RGMB: variants seen among roughly 807,000 people sequenced by gnomAD.
RGMB encodes repulsive guidance molecule BMP co-receptor b.
A neutral mutation model predicts 26.9 loss-of-function variants in RGMB; 16 were observed. The observed-to-expected ratio is 0.60, with a 90% confidence interval of 0.40 to 0.90. RGMB has a LOEUF of 0.90. Ranked by LOEUF, RGMB falls within the 40% of genes least tolerant of loss-of-function variation. The pLI, the probability that RGMB is intolerant of heterozygous loss-of-function variation, is 0.00. For synonymous variants in RGMB, 225 were observed against 229.3 expected, an observed-to-expected ratio of 0.98 and a Z score of 0.17; for missense variants, 512 against 573.3, an observed-to-expected ratio of 0.89 and a Z score of 1.09.
At chr5:98,785,256 G>C (rs1746737173) in intron 2 of RGMB, among the ~76,000 whole-genome samples, 1 of 152,228 alleles carries the variant, frequency 6.6e-6, no homozygotes, top group Non-Finnish European at 1.5e-5. Context: ...AGATGTAGAG[G>C]TGAATGCAGC....
intron 1 of RGMB, among the ~76,000 whole-genome samples, chr5:98,775,931 G>A (rs897932722): frequency 1.2e-4 from 19 of 152,144 alleles, no homozygotes; most frequent in Non-Finnish European, 2.1e-4. Context: ...AAATGCCCGG[G>A]TTGTTTCTCA....
At position 98,780,070 on chromosome 5, in the gene RGMB, T is replaced by C. The variant is rs1405569365; in HGVS notation, c.627T>C (p.Ser209=). 2 of 1,611,036 alleles carry C rather than the reference T, an allele frequency of 1.2e-6. No homozygotes were observed. The highest frequency in any genetic ancestry group is 1.7e-6 in the Non-Finnish European group (2 of 1,179,692). ...ACGTACCTGTGGTCCCTGGATCCAG[T>C]GCTACTGCTACAAATAAGGCAAGTA... The part of the protein sequence containing the change: ...VTNVPVVPGS[S]ATATNKITII... The change falls in exon 2 of 3, where the codon AGT becomes AGC. Residue 209 remains serine (S), a synonymous_variant. Transcript: ENST00000513185.
Position 98,774,350 on chromosome 5 carries a change from C to T in RGMB, c.136+144C>T, listed in dbSNP as rs555993719. ...CCTCCCGAGCCCCTGACACGCACCT[C>T]TGTCGGGCTCCGGGCCACAGTAACG... On this transcript the variant is annotated intron_variant, in intron 1 of 2. Coordinates refer to ENST00000513185, the MANE Select transcript of RGMB (RefSeq NM_001366508.1). 1.0e-5 allele frequency: 9 copies of T among 868,812 alleles called. No homozygotes were observed. In the East Asian group the frequency reaches 2.0e-4, roughly 19 times the overall value. 53.8% of individuals were successfully genotyped at this position (868,812 alleles called of 1,614,324 possible). A position where few individuals can be genotyped will look rare whatever the true frequency, so the allele number is the denominator to read the frequency against.
intron 2 of RGMB, among the ~76,000 whole-genome samples, chr5:98,786,426 T>G (rs1271010602): frequency 6.6e-6 from 1 of 152,244 alleles, no homozygotes; most frequent in East Asian, 1.9e-4. Flanking sequence ...TTCTGTCACA[T>G]TTCCAAATGT....
At chr5:98,784,539 CA>C (rs1402963295) in intron 2 of RGMB, among the ~76,000 whole-genome samples, 1 of 152,214 alleles carries the variant, frequency 6.6e-6, no homozygotes, top group Non-Finnish European at 1.5e-5. Context: ...TATTGTTCTA[CA>C]ACAGCATGTG....
chr5:98,776,584 T>C (rs1746409788), intron 1 of RGMB, among the ~76,000 whole-genome samples: 1 of 151,616 alleles, frequency 6.6e-6, no homozygotes, highest in Admixed American at 6.6e-5. Context: ...TGGATATTTC[T>C]GGGTGTATGC....
chr5:98,774,930 A>G (rs548982912), intron 1 of RGMB, among the ~76,000 whole-genome samples: 1 of 152,300 alleles, frequency 6.6e-6, no homozygotes, highest in African/African-American at 2.4e-5. Context: ...GTAAGCCTGC[A>G]AATGAGCCTT....
chr5:98,769,085 C>T (rs999336668), upstream of RGMB, among the ~76,000 whole-genome samples: 2 of 152,096 alleles, frequency 1.3e-5, no homozygotes, highest in Non-Finnish European at 2.9e-5. Context: ...GCGCTGGCGG[C>T]GTGAAAGGCG....
chr5:98,776,335 A>G (rs569860519), intron 1 of RGMB, among the ~76,000 whole-genome samples: 6 of 152,340 alleles, frequency 3.9e-5, no homozygotes, highest in African/African-American at 7.2e-5. Flanking sequence ...GAATGAAAAG[A>G]GTATGAAAAG....
intron 2 of RGMB, among the ~76,000 whole-genome samples, chr5:98,790,100 C>G (rs145675091): frequency 6.6e-6 from 1 of 152,278 alleles, no homozygotes; most frequent in African/African-American, 2.4e-5. Flanking sequence ...TTTAAAAGCT[C>G]ATGTTGTAAT....
At chr5:98,779,413 G>A (rs942850180) in intron 1 of RGMB, among the ~76,000 whole-genome samples, 167 bp from the exon 2 acceptor site, 1 of 152,208 alleles carries the variant, frequency 6.6e-6, no homozygotes, top group Admixed American at 6.5e-5. Flanking sequence ...CTTAGTTTGA[G>A]AAAGACACAG....
At chr5:98,789,926 A>AGT (rs983924346) in intron 2 of RGMB, among the ~76,000 whole-genome samples, 3 of 152,196 alleles carry the variant, frequency 2.0e-5, no homozygotes, top group African/African-American at 7.2e-5. Context: ...TTTACTTTCT[A>AGT]GTGGCTGCTA....
chr5:98,771,855 C>T (rs1580262791), upstream of RGMB: 1 of 152,116 alleles, frequency 6.6e-6, no homozygotes, highest in South Asian at 2.1e-4. Context: ...ATTATTGATC[C>T]TTAACTATTG....
At chr5:98,774,364 G>T (rs1174899794) in intron 1 of RGMB, among the ~76,000 whole-genome samples, 158 bp downstream of exon 1, 1 of 152,158 alleles carries the variant, frequency 6.6e-6, no homozygotes, top group African/African-American at 2.4e-5. Flanking sequence ...CGGGCTCCGG[G>T]CCACAGTAAC....
At chr5:98,770,388 G>A (rs1418147113), upstream of RGMB, 1 of 393,934 alleles carries the variant, frequency 2.5e-6, no homozygotes, top group Non-Finnish European at 4.5e-6. Flanking sequence ...TAAATGGACA[G>A]GAAGCGCATT....
chr5:98,770,623 G>T, upstream of RGMB: 2 of 1,379,804 alleles, frequency 1.4e-6, no homozygotes, highest in South Asian at 1.9e-5. Context: ...AAGTTCAGGG[G>T]CCCCCTGATC....
intron 2 of RGMB, among the ~76,000 whole-genome samples, chr5:98,787,458 G>C (rs1339272771): frequency 6.6e-6 from 1 of 152,176 alleles, no homozygotes; most frequent in Non-Finnish European, 1.5e-5. Flanking sequence ...GGACAGATTC[G>C]GCTGAGAGTT....
At chr5:98,776,822 C>T (rs1746429107) in intron 1 of RGMB, among the ~76,000 whole-genome samples, 1 of 152,236 alleles carries the variant, frequency 6.6e-6, no homozygotes, top group Non-Finnish European at 1.5e-5. Flanking sequence ...CGCTGTGGCT[C>T]ACGCCTGTAA....
Position 98,793,295 on chromosome 5 carries a change from G to C in RGMB, c.856G>C (p.Gly286Arg). The C allele has an allele frequency of 6.2e-7, 1 of 1,613,844 alleles. No homozygotes were observed. The highest frequency in any genetic ancestry group is 1.7e-5 in the Admixed American group (1 of 59,982). The change falls in exon 3 of 3, where the codon GGT becomes CGT. Residue 286 changes from glycine to arginine, a missense_variant. Coordinates refer to ENST00000513185, the MANE Select transcript of RGMB (RefSeq NM_001366508.1). ...GACCACAGTGTTTGTGCGGCAGGTG[G>C]GTCGCTACCTGACCCTTGCCATCCG... is the stretch of plus-strand genomic sequence containing the variant. ...IGTTVFVRQV[G>R]RYLTLAIRMP... is the part of the protein sequence containing the mutation.
Sources: allele counts gnomAD v4.1 joint callset (sites outside exome capture counted in the v4.1 genomes callset), GRCh38; gene constraint gnomAD v4.1.1; transcripts MANE v1.5; gene names NCBI Gene and HGNC (gene_info 2026-07-23, HGNC 2026-07-21).